The following RBFOX3 variants were observed in gnomAD, a reference collection of about 807,000 sequenced individuals.
The protein encoded by RBFOX3 is RNA binding fox-1 homolog 3.
A neutral mutation model predicts 48.7 loss-of-function variants in RBFOX3; 17 were observed. The ratio of observed to expected loss-of-function variants is 0.35; its 90% confidence interval spans 0.24 to 0.52. The LOEUF (loss-of-function observed/expected upper bound fraction) is 0.52. RBFOX3 is among the 20% of genes least tolerant of loss of function. The probability of loss-of-function intolerance (pLI) is 0.94; values close to 1 mark genes in which losing one functional copy is unlikely to be tolerated. For missense variants in RBFOX3, 382 were observed against 497.5 expected, an observed-to-expected ratio of 0.77 and a Z score of 2.21; for synonymous variants, 212 against 209.5, an observed-to-expected ratio of 1.01 and a Z score of -0.10.
intron 2 of RBFOX3, among the ~76,000 whole-genome samples, chr17:79,449,756 G>A (rs186544543): frequency 4.2e-4 from 64 of 152,126 alleles, no homozygotes; most frequent in African/African-American, 1.5e-3. Context: ...GCACATACAT[G>A]GATGCAACCT....
In RBFOX3 at chr17:79,392,526, CG is replaced by C. The variant is rs1039145357; in HGVS notation, c.-174-84703del. Among the ~76,000 whole-genome samples, 12 of 152,172 alleles carry C rather than the reference CG, an allele frequency of 7.9e-5. No individual in the cohort carries two copies. The highest frequency in any genetic ancestry group is 2.9e-4 in the African/African-American group (12 of 41,426). On this transcript the variant is annotated intron_variant, in intron 2 of 14. Transcript: ENST00000693108. The surrounding 1 kb of genome is among the most constrained non-coding windows in gnomAD (Gnocchi z 5.0). ...CTGGCTCCTGTTCCTGCTGGAGCCA[CG>C]GGGAGCTGCCCTTCCCACCCACTTA... is the stretch of plus-strand genomic sequence containing the variant.
intron 1 of RBFOX3, among the ~76,000 whole-genome samples, chr17:79,596,450 C>T (rs2093572396): frequency 6.6e-6 from 1 of 152,154 alleles, no homozygotes; most frequent in East Asian, 1.9e-4. Flanking sequence ...GCCTCCGGCA[C>T]ACCCTCCTAC....
At chr17:79,465,814 G>C (rs1555753351) in intron 2 of RBFOX3, among the ~76,000 whole-genome samples, 4 of 152,196 alleles carry the variant, frequency 2.6e-5, no homozygotes, top group Admixed American at 1.3e-4. Context: ...GAGTAGGCAC[G>C]GGATCGCGGC....
At chr17:79,495,487 G>C (rs1224346554) in intron 1 of RBFOX3, among the ~76,000 whole-genome samples, 16 of 39,822 alleles carry the variant, frequency 4.0e-4, no homozygotes, top group South Asian at 1.7e-3. Flanking sequence ...AAGGCAAGAA[G>C]GTGGGGGAGG....
intron 2 of RBFOX3, among the ~76,000 whole-genome samples, chr17:79,432,806 CTCT>C (rs1358472041): frequency 6.6e-6 from 1 of 152,180 alleles, no homozygotes; most frequent in Non-Finnish European, 1.5e-5. Flanking sequence ...CTGCAAGCTC[CTCT>C]TCTTAGTATT....
At chr17:79,207,770 G>A (rs2057717777) in intron 4 of RBFOX3, among the ~76,000 whole-genome samples, 1 of 152,146 alleles carries the variant, frequency 6.6e-6, no homozygotes, top group African/African-American at 2.4e-5. Context: ...AGACTGGGGT[G>A]CACACCAGGG....
In RBFOX3 at chr17:79,212,300, T is replaced by A. The variant is rs2058483352; in HGVS notation, c.-34+23466A>T. 6.6e-6 allele frequency among the ~76,000 whole-genome samples: 1 copy of A among 152,122 alleles called. No individual in the cohort carries two copies. The highest frequency in any genetic ancestry group is 2.1e-4 in the South Asian group (1 of 4,828). On this transcript the variant is annotated intron_variant, in intron 4 of 14. Transcript: ENST00000693108. The surrounding 1 kb of genome is among the most constrained non-coding windows in gnomAD (Gnocchi z 4.7). ...GGCAGGGCTGCTCCGCCTGGGCTCC[T>A]ACGTGACTCCTTTCTCCTCCTCCCC... is the stretch of plus-strand genomic sequence containing the variant.
chr17:79,433,984 G>A lies in RBFOX3; in HGVS notation c.-175+48470C>T, dbSNP rs528835781. ...CTCACGGCTAACAGCACTAGAGGAA[G>A]CACCTCTAATTTTCTCCATAAGACA... On this transcript the variant is annotated intron_variant, in intron 2 of 14. Coordinates refer to ENST00000693108, the MANE Select transcript of RBFOX3 (RefSeq NM_001350451.2). Among the ~76,000 whole-genome samples, 3 of 152,330 alleles carry A rather than the reference G, an allele frequency of 2.0e-5. No individual in the cohort carries two copies. In the South Asian group the frequency reaches 6.2e-4, roughly 32 times the overall value.
intron 4 of RBFOX3, among the ~76,000 whole-genome samples, chr17:79,155,453 G>C (rs532115963): frequency 1.3e-5 from 2 of 152,254 alleles, no homozygotes; most frequent in Non-Finnish European, 2.9e-5. Context: ...ACCTCGGAGC[G>C]GAGCCAGCAT....
At chr17:79,263,102 C>A (rs985657713) in intron 3 of RBFOX3, among the ~76,000 whole-genome samples, 1 of 152,214 alleles carries the variant, frequency 6.6e-6, no homozygotes. Context: ...CCAGGCCTAG[C>A]GTGCCCCTCC....
Position 79,129,035 on chromosome 17 carries a change from C to A in RBFOX3, c.-33-13287G>T, listed in dbSNP as rs1051279444. On this transcript the variant is annotated intron_variant, in intron 4 of 14. Coordinates refer to ENST00000693108, the MANE Select transcript of RBFOX3 (RefSeq NM_001350451.2). ...GAGGGTAGCACCCCAGACCCCGAGA[C>A]CCTGAGCACAAGTGCTTGTGCTTCC... 7.2e-5 allele frequency among the ~76,000 whole-genome samples: 11 copies of A among 152,232 alleles called. No individual in the cohort carries two copies. The East Asian group carries it at 1.9e-3, about 27-fold the overall frequency.
At chr17:79,600,271 C>T (rs1236987565) in intron 1 of RBFOX3, 2 of 152,306 alleles carry the variant, frequency 1.3e-5, no homozygotes, top group African/African-American at 4.8e-5. Flanking sequence ...CAGAAACACA[C>T]TTGTGCATGT....
chr17:79,478,668 AG>A (rs1555764499), intron 2 of RBFOX3, among the ~76,000 whole-genome samples: 1 of 152,180 alleles, frequency 6.6e-6, no homozygotes, highest in East Asian at 1.9e-4. Flanking sequence ...GGGGAAAGGA[AG>A]GGAAGGGTCA....
rs1170221322 is a variant in RBFOX3 at position 79,242,239 on chromosome 17, G to A, written c.-73-6434C>T. On this transcript the variant is annotated intron_variant, in intron 3 of 14. Coordinates refer to ENST00000693108, the MANE Select transcript of RBFOX3 (RefSeq NM_001350451.2). This position sits in a 1 kb window ranked among gnomAD's most constrained non-coding sequence, Gnocchi z 5.8. Reference sequence around the variant, plus strand: ...CTACCTGAGGAGCCCCGGGGTGGGGGGCAGGCCGTATGGAGGGTCCTCGAG... The same window carrying A: ...CTACCTGAGGAGCCCCGGGGTGGGGAGCAGGCCGTATGGAGGGTCCTCGAG... 6.6e-6 allele frequency among the ~76,000 whole-genome samples: 1 copy of A among 152,086 alleles called. No individual in the cohort carries two copies. The highest frequency in any genetic ancestry group is 1.5e-5 in the Non-Finnish European group (1 of 68,014).
chr17:79,254,668 C>T lies in RBFOX3; in HGVS notation c.-73-18863G>A, dbSNP rs56858037. Among the ~76,000 whole-genome samples, 4 of 152,092 alleles carry T rather than the reference C, an allele frequency of 2.6e-5. No individual in the cohort carries two copies. Among genetic ancestry groups the T allele is most frequent in the African/African-American group, 4.8e-5 (2 of 41,398 alleles). On this transcript the variant is annotated intron_variant, in intron 3 of 14. Coordinates refer to ENST00000693108, the MANE Select transcript of RBFOX3 (RefSeq NM_001350451.2). The surrounding 1 kb of genome is among the most constrained non-coding windows in gnomAD (Gnocchi z 4.8). ...AGGGGCCACTTCTGAGCCCTCTTGG[C>T]GATTCGTATACTTGCCCCTCCATGC...
chr17:79,425,589 G>C (rs1555725042), intron 2 of RBFOX3, among the ~76,000 whole-genome samples: 1 of 152,260 alleles, frequency 6.6e-6, no homozygotes, highest in African/African-American at 2.4e-5. Flanking sequence ...GGTAAATAAA[G>C]AGGGAGTTTC....
the RBFOX3 span, among the ~76,000 whole-genome samples, chr17:79,622,530 CGCA>C: frequency 6.6e-6 from 1 of 152,318 alleles, no homozygotes; most frequent in Non-Finnish European, 1.5e-5. Flanking sequence ...TTCATTCTCC[CGCA>C]GATCTTGAGG....
At chr17:79,170,269 C>G (rs2048984728) in intron 4 of RBFOX3, among the ~76,000 whole-genome samples, 1 of 152,180 alleles carries the variant, frequency 6.6e-6, no homozygotes, top group Non-Finnish European at 1.5e-5. Context: ...CGGTGTCCAG[C>G]TTCCAGGAGG....
chr17:79,549,604 G>A lies in RBFOX3; in HGVS notation c.-320+61222C>T, dbSNP rs2090927490. On this transcript the variant is annotated intron_variant, in intron 1 of 14. Transcript: ENST00000693108. ...CTCCCACCCAAAGCGGGGCTCTGGGGACACCCAGGATGATGGGGGCCCTCA... is the reference window on the plus strand; with the variant it reads ...CTCCCACCCAAAGCGGGGCTCTGGGAACACCCAGGATGATGGGGGCCCTCA... Among the ~76,000 whole-genome samples the A allele has an allele frequency of 2.0e-5, 3 of 152,364 alleles. No homozygotes were observed. The South Asian group carries it at 6.2e-4, about 32-fold the overall frequency.
Sources: gnomAD v4.1 joint callset for allele counts (sites outside exome capture counted in the v4.1 genomes callset) on GRCh38, gnomAD v4.1.1 for gene constraint, Gnocchi (gnomAD v3.1) non-coding constraint, MANE v1.5 for transcripts, NCBI Gene and HGNC (gene_info 2026-07-23, HGNC 2026-07-21) for gene names.